ZNF253: variants seen among roughly 807,000 people sequenced by gnomAD.
ZNF253 encodes DNA-binding protein.
In ZNF253, 8 loss-of-function variants were observed where a neutral mutation model predicts 11.9. That is an observed-to-expected ratio of 0.67 (90% CI 0.40 to 1.22). ZNF253 has a LOEUF of 1.22. Among genes scored for constraint, ZNF253 ranks in the 50% most tolerant of loss-of-function variants. The pLI is 0.01. For missense variants in ZNF253, 485 were observed against 586.9 expected (o/e 0.83, Z 1.79); for synonymous variants, 194 against 194.9 (o/e 1.00, Z 0.04).
chr19:19,870,324 AG>A lies in ZNF253; in HGVS notation c.3+4326del, dbSNP rs201220282. Among the ~76,000 whole-genome samples the A allele has an allele frequency of 1.4e-4, 21 of 146,438 alleles. No individual in the cohort carries two copies. The East Asian group carries it at 3.7e-3, about 26-fold the overall frequency. On this transcript the variant is annotated intron_variant, in intron 1 of 3. Transcript: ENST00000589717. The stretch of plus-strand genomic sequence containing the variant: ...GGAGAATCGCTTGTTCCTGGGAGGC[AG>A]AAGTTGCAGTGAGCTGAGATTGCAC...
chr19:19,883,218 T>C (rs1418892508), intron 3 of ZNF253, among the ~76,000 whole-genome samples: 1 of 152,224 alleles, frequency 6.6e-6, no homozygotes, highest in Non-Finnish European at 1.5e-5. Context: ...AAGGTAATTT[T>C]CAAAAGGATT....
chr19:19,892,815 T>C lies in ZNF253; in HGVS notation c.*68T>C. 3.5e-6 allele frequency: 5 copies of C among 1,421,770 alleles called. No homozygotes were observed. The South Asian group carries it at 4.2e-5, about 12-fold the overall frequency. The allele number at this position is 1,421,770 out of a possible 1,614,324, so 88.1% of individuals were successfully genotyped here. A position where few individuals can be genotyped will look rare whatever the true frequency, so the allele number is the denominator to read the frequency against. ...AAGCCTTTAACCAGCCCTCGACTCT[T>C]AGTAAATTTGAGAGTTTATATGGAA... On this transcript the variant is annotated 3_prime_UTR_variant, in exon 4 of 4. Transcript: ENST00000589717.
At chr19:19,890,530 GT>G (rs2063224381) in intron 3 of ZNF253, among the ~76,000 whole-genome samples, 1 of 151,724 alleles carries the variant, frequency 6.6e-6, no homozygotes, top group Non-Finnish European at 1.5e-5. Context: ...GTGTGTGTGT[GT>G]GTGTGTGTGT....
intron 3 of ZNF253, among the ~76,000 whole-genome samples, chr19:19,883,941 C>G (rs2122125370): frequency 6.6e-6 from 1 of 151,936 alleles, no homozygotes; most frequent in African/African-American, 2.4e-5. Flanking sequence ...CCTATAATCC[C>G]AGCTCCTCGG....
In ZNF253 at chr19:19,892,400, T is replaced by A. The variant is rs2122144865; in HGVS notation, c.1153T>A (p.Ser385Thr). The A allele has an allele frequency of 6.2e-7, 1 of 1,608,186 alleles. No homozygotes were observed. The highest frequency in any genetic ancestry group is 8.5e-7 in the Non-Finnish European group (1 of 1,178,150). ...KAFNHSTTLF[S>T]HEKIHTGEKP... Reference sequence around the variant, plus strand: ...TTTTAACCATTCCACAACCCTTTTTTCACATGAGAAAATTCATACTGGAGA... The same window carrying A: ...TTTTAACCATTCCACAACCCTTTTTACACATGAGAAAATTCATACTGGAGA... The change falls in exon 4 of 4, where the codon TCA becomes ACA. Residue 385 changes from serine (S) to threonine (T), a missense_variant. By Grantham distance (58) the Ser-to-Thr change is moderately conservative. Around this residue, in one of 3 missense-constraint regions of ZNF253, gnomAD observed 232 missense variants for 321.4 expected, o/e 0.72. Transcript: ENST00000589717.
intron 3 of ZNF253, among the ~76,000 whole-genome samples, chr19:19,882,204 AAAG>A (rs913271737): frequency 1.2e-3 from 179 of 152,066 alleles, no homozygotes; most frequent in Non-Finnish European, 2.0e-3. Context: ...AAAAAAAAAA[AAAG>A]AAGAAGAAGA....
intron 1 of ZNF253, among the ~76,000 whole-genome samples, chr19:19,877,331 T>G (rs2063159679): frequency 6.6e-6 from 1 of 152,198 alleles, no homozygotes; most frequent in African/African-American, 2.4e-5. Flanking sequence ...TTTATTTACT[T>G]TCTTTGGGAG....
intron 3 of ZNF253, among the ~76,000 whole-genome samples, chr19:19,885,966 C>T (rs1030872324): frequency 2.6e-5 from 4 of 152,224 alleles, no homozygotes; most frequent in East Asian, 1.9e-4. Context: ...AGAAAACACA[C>T]AGTGTATAAT....
chr19:19,892,831 T>C lies in ZNF253; in HGVS notation c.*84T>C, dbSNP rs1568502603. The C allele has an allele frequency of 7.7e-7, 1 of 1,292,888 alleles. No individual in the cohort carries two copies. Among genetic ancestry groups the C allele is most frequent in the Admixed American group, 2.4e-5 (1 of 42,142 alleles). The allele number at this position is 1,292,888 out of a possible 1,614,324, so 80.1% of individuals were successfully genotyped here. A position where few individuals can be genotyped will look rare whatever the true frequency, so the allele number is the denominator to read the frequency against. On this transcript the variant is annotated 3_prime_UTR_variant, in exon 4 of 4. Transcript: ENST00000589717. ...CTCGACTCTTAGTAAATTTGAGAGT[T>C]TATATGGAACACAAACCCTACAAAT... is the stretch of plus-strand genomic sequence containing the variant.
chr19:19,889,025 A>G (rs2063218080), intron 3 of ZNF253, among the ~76,000 whole-genome samples: 1 of 152,114 alleles, frequency 6.6e-6, no homozygotes, highest in Admixed American at 6.5e-5. Flanking sequence ...ATCTTATAAG[A>G]CTATGCTTAT....
At chr19:19,890,633 C>T (rs1037649634) in intron 3 of ZNF253, among the ~76,000 whole-genome samples, 3 of 150,812 alleles carry the variant, frequency 2.0e-5, no homozygotes, top group Admixed American at 1.3e-4. Context: ...AGCAATTCTC[C>T]TGCCTCAGCC....
In ZNF253 at chr19:19,885,252, TTTC is replaced by T. The variant is rs2063195523; in HGVS notation, c.226+5109_226+5111del. 1.2e-4 allele frequency among the ~76,000 whole-genome samples: 8 copies of T among 66,612 alleles called. No individual in the cohort carries two copies. The African/African-American group carries it at 1.3e-3, about 11-fold the overall frequency. The allele number at this position is 66,612 out of a possible 152,430, so 43.7% of individuals were successfully genotyped here. On this transcript the variant is annotated intron_variant, in intron 3 of 3. Coordinates refer to ENST00000589717, the MANE Select transcript of ZNF253 (RefSeq NM_021047.3). ...CTTTCTTTCTTTCTTTCTTTCTTTC[TTTC>T]TTTCTTTCTTTCTTTCTTTCTTTCT...
chr19:19,891,197 G>A (rs973297820), intron 3 of ZNF253, among the ~76,000 whole-genome samples: 12 of 152,268 alleles, frequency 7.9e-5, no homozygotes, highest in Admixed American at 5.9e-4. Context: ...GCTGTGTTGG[G>A]TATAACTAAC....
At chr19:19,867,519 C>T (rs2063116711) in intron 1 of ZNF253, among the ~76,000 whole-genome samples, 1 of 152,158 alleles carries the variant, frequency 6.6e-6, no homozygotes, top group African/African-American at 2.4e-5. Context: ...GGTGTTACCA[C>T]GCCTGGCCAA....
chr19:19,880,024 T>G, intron 2 of ZNF253, 27 bp from the exon 3 acceptor site: 1 of 1,557,726 alleles, frequency 6.4e-7, no homozygotes, highest in Non-Finnish European at 8.8e-7. Flanking sequence ...TGAGCAAGAT[T>G]CATGTTATTT....
chr19:19,880,271 C>CTT, intron 3 of ZNF253, 125 bp downstream of exon 3: 78 of 427,196 alleles, frequency 1.8e-4, no homozygotes, highest in Non-Finnish European at 2.5e-4. Context: ...TCCTGGGCAG[C>CTT]TGTTTTTTTT....
At chr19:19,865,848 G>C, upstream of ZNF253, 1 of 1,014,114 alleles carries the variant, frequency 9.9e-7, no homozygotes, top group Non-Finnish European at 1.6e-6. Context: ...TGGTTTCTGG[G>C]GGCCTTTGTT....
chr19:19,880,784 G>C (rs369635970), intron 3 of ZNF253, among the ~76,000 whole-genome samples: 3 of 150,718 alleles, frequency 2.0e-5, no homozygotes, highest in African/African-American at 7.3e-5. Context: ...ACAAATATCT[G>C]CATAATTTTG....
At position 19,894,153 on chromosome 19, in the gene ZNF253, C is replaced by T. The variant is rs2063245029; in HGVS notation, c.*1406C>T. 6.6e-6 allele frequency: 1 copy of T among 152,166 alleles called. No homozygotes were observed. The highest frequency in any genetic ancestry group is 2.1e-4 in the South Asian group (1 of 4,828). 9.4% of individuals were successfully genotyped at this position (152,166 alleles called of 1,614,324 possible). ...GTTCAGTATAAAAACTAATCCACAGCTACAGCTGTTAGATAAATTATTTCT... is the reference window on the plus strand; with the variant it reads ...GTTCAGTATAAAAACTAATCCACAGTTACAGCTGTTAGATAAATTATTTCT... On this transcript the variant is annotated 3_prime_UTR_variant, in exon 4 of 4. Coordinates refer to ENST00000589717, the MANE Select transcript of ZNF253 (RefSeq NM_021047.3).
Sources: allele counts gnomAD v4.1 joint callset (sites outside exome capture counted in the v4.1 genomes callset), GRCh38; gene constraint gnomAD v4.1.1; regional missense constraint gnomAD v4.1.1; transcripts MANE v1.5; gene names NCBI Gene and HGNC (gene_info 2026-07-23, HGNC 2026-07-21).